The following SOX30 variants were observed in gnomAD, a reference collection of about 807,000 sequenced individuals.
SOX30 encodes the protein transcription factor SOX-30.
In SOX30, 17 loss-of-function variants were observed where a neutral mutation model predicts 58.6. The ratio of observed to expected loss-of-function variants is 0.29; its 90% CI spans 0.20 to 0.44. The LOEUF (loss-of-function observed/expected upper bound fraction) is 0.44, where lower values mean the gene tolerates loss of function less well. Ranked by LOEUF, SOX30 falls within the 20% of genes least tolerant of loss-of-function variation. The pLI is 1.00. For missense variants in SOX30, 951 were observed against 965.8 expected, an observed-to-expected ratio of 0.98 and a Z score of 0.20; for synonymous variants, 421 against 400.2, an observed-to-expected ratio of 1.05 and a Z score of -0.62.
rs186239359 is a variant in SOX30 at position 157,647,381 on chromosome 5, C to T, written c.1208-565G>A. Among the ~76,000 whole-genome samples the T allele has an allele frequency of 2.0e-5, 3 of 151,994 alleles. No individual in the cohort carries two copies. In the East Asian group the frequency reaches 5.8e-4, roughly 30 times the overall value. ...GGCCAAGGGTCAAATGTTTTATAAC[C>T]AATGACACAGAATGAACCTGTAGTA... is the stretch of plus-strand genomic sequence containing the variant. On this transcript the variant is annotated intron_variant, in intron 2 of 4. Transcript: ENST00000265007.
At chr5:157,652,753 G>A (rs551406788), upstream of SOX30, among the ~76,000 whole-genome samples, 1 of 152,298 alleles carries the variant, frequency 6.6e-6, no homozygotes, top group East Asian at 1.9e-4. Flanking sequence ...TTCATCCACT[G>A]TTTTGTGTCT....
At chr5:157,632,478 G>A (rs1387633165) in intron 4 of SOX30, among the ~76,000 whole-genome samples, 1 of 152,166 alleles carries the variant, frequency 6.6e-6, no homozygotes, top group African/African-American at 2.4e-5. Flanking sequence ...GCTGGACGTG[G>A]TGGTGGGCAC....
At position 157,651,340 on chromosome 5, in the gene SOX30, T is replaced by G. The variant is rs1333905939; in HGVS notation, c.739A>C (p.Thr247Pro). The change falls in exon 1 of 5, where the codon ACG becomes CCG. Residue 247 changes from threonine (T) to proline (P), a missense_variant. Physicochemically the swap from Thr to Pro is conservative, Grantham distance 38 (BLOSUM62 -1). Transcript: ENST00000265007. ...TGGTGCGGCCCAAAGGCACCGGACG[T>G]TGGGGCCAAGATGACCTCCGCGCTG... ...HGSAEVILAPTSGAFGPHQQD... is the reference protein window; with the variant it reads ...HGSAEVILAPPSGAFGPHQQD... 1.2e-6 allele frequency: 2 copies of G among 1,613,948 alleles called. No individual in the cohort carries two copies. Among genetic ancestry groups the G allele is most frequent in the East Asian group, 4.5e-5 (2 of 44,884 alleles).
Position 157,651,808 on chromosome 5 carries a change from C to A in SOX30, c.271G>T (p.Ala91Ser), listed in dbSNP as rs1406732683. Residue 91 changes from alanine to serine, a missense_variant, in exon 1 of 5, where the codon GCC becomes TCC. By Grantham distance (99) the Ala-to-Ser change is moderately conservative. This residue lies in a region of SOX30 where 363 missense variants were observed against 294.5 expected (regional missense o/e 1.23). Transcript: ENST00000265007. ...CGCGCCTGCGCGGACGAGGCAGCGG[C>A]TTCCTCGTTCTGGGCCTGAGGCTGT... The part of the protein sequence containing the change: ...LPQPQAQNEE[A>S]AASSAQARLL... 2 of 1,583,198 alleles carry A rather than the reference C, an allele frequency of 1.3e-6. No individual in the cohort carries two copies. Among genetic ancestry groups the A allele is most frequent in the East Asian group, 2.3e-5 (1 of 43,696 alleles).
At chr5:157,643,766 G>A (rs932180802) in intron 3 of SOX30, among the ~76,000 whole-genome samples, 89 of 152,034 alleles carry the variant, frequency 5.9e-4, no homozygotes, top group African/African-American at 2.0e-3. Flanking sequence ...CAAAATTACC[G>A]TAACTTCATA....
chr5:157,659,151 T>A (rs1402652013), intron 2 of SOX30, among the ~76,000 whole-genome samples: 1 of 152,250 alleles, frequency 6.6e-6, no homozygotes, highest in Non-Finnish European at 1.5e-5. Context: ...ACTCTGTCTA[T>A]GGAGTAGCCA....
At position 157,651,933 on chromosome 5, in the gene SOX30, G is replaced by A. The variant is rs748881474; in HGVS notation, c.146C>T (p.Ala49Val). The A allele has an allele frequency of 1.3e-6, 2 of 1,498,124 alleles. No homozygotes were observed. The highest frequency in any genetic ancestry group is 1.4e-5 in the African/African-American group (1 of 72,014). 92.8% of individuals were successfully genotyped at this position (1,498,124 alleles called of 1,614,324 possible). A position where few individuals can be genotyped will look rare whatever the true frequency, so the allele number is the denominator to read the frequency against. ...CTCCCCGCACGACGAGGCCAAGGTC[G>A]CACTGGCTGCCGCGCTCAGTGTGGG... Reference protein sequence around the residue: ...SSPTLSAAASATLASSCGEAV... With the variant: ...SSPTLSAAASVTLASSCGEAV... Residue 49 changes from alanine to valine, a missense_variant, in exon 1 of 5, where the codon GCG (alanine) becomes GTG (valine). By Grantham distance (64) the Ala-to-Val change is moderately conservative. Coordinates refer to ENST00000265007, the MANE Select transcript of SOX30 (RefSeq NM_178424.2).
intron 3 of SOX30, among the ~76,000 whole-genome samples, chr5:157,643,040 G>T (rs1028386465): frequency 6.6e-6 from 1 of 151,452 alleles, no homozygotes; most frequent in African/African-American, 2.4e-5. Context: ...ATTGACAAAA[G>T]GAATATAAAT....
Position 157,663,667 on chromosome 5 carries a change from C to T in SOX30, c.52+4131G>A, listed in dbSNP as rs554869840. On this transcript the variant is annotated intron_variant, in intron 2 of 5. Transcript: ENST00000519442. ...AGGAAAAGAGGAAGTCAAATTGTCC[C>T]TGTTTGCAGATGACATGATTGTATA... 1.9e-3 allele frequency among the ~76,000 whole-genome samples: 293 copies of T among 152,282 alleles called. 4 individuals are homozygous for T. The highest frequency in any genetic ancestry group is 6.5e-3 in the African/African-American group (270 of 41,558).
intron 3 of SOX30, among the ~76,000 whole-genome samples, chr5:157,641,309 C>T (rs1279750559): frequency 6.6e-6 from 1 of 152,044 alleles, no homozygotes; most frequent in African/African-American, 2.4e-5. Context: ...ATGCACCAGA[C>T]ATAAAAATAA....
chr5:157,633,723 A>T (rs1203478900), intron 4 of SOX30, among the ~76,000 whole-genome samples: 1 of 152,244 alleles, frequency 6.6e-6, no homozygotes, highest in Non-Finnish European at 1.5e-5. Flanking sequence ...TTTGCCTAAA[A>T]TTTTACAATT....
chr5:157,661,911 C>T (rs189568991), intron 2 of SOX30, among the ~76,000 whole-genome samples: 3 of 152,102 alleles, frequency 2.0e-5, no homozygotes, highest in Admixed American at 1.3e-4. Flanking sequence ...GAAAAGATTT[C>T]CATTGGATTG....
At chr5:157,654,635 A>C (rs990444542), upstream of SOX30, among the ~76,000 whole-genome samples, 2 of 152,234 alleles carry the variant, frequency 1.3e-5, no homozygotes, top group African/African-American at 4.8e-5. Context: ...CAGTTAAGGC[A>C]TTCTAAGTCA....
intron 2 of SOX30, among the ~76,000 whole-genome samples, chr5:157,666,522 CA>C (rs1561591727): frequency 1.2e-3 from 166 of 144,060 alleles, no homozygotes; most frequent in African/African-American, 4.3e-3. Flanking sequence ...CACACACACA[CA>C]CACACCTCAG....
chr5:157,652,151 G>C lies in SOX30; in HGVS notation c.-73C>G. 7.3e-7 allele frequency: 1 copy of C among 1,378,690 alleles called. No homozygotes were observed. The highest frequency in any genetic ancestry group is 9.3e-7 in the Non-Finnish European group (1 of 1,074,900). The allele number at this position is 1,378,690 out of a possible 1,614,324, so 85.4% of individuals were successfully genotyped here. A position where few individuals can be genotyped will look rare whatever the true frequency, so the allele number is the denominator to read the frequency against. On this transcript the variant is annotated 5_prime_UTR_variant, in exon 1 of 5. Transcript: ENST00000265007. ...GGCGACCTTCCCCCTCCCCCTTTCG[G>C]TTAAGAGCCTTGCAAGGCCTTTGCT...
At chr5:157,666,902 C>T (rs1341980284) in intron 2 of SOX30, among the ~76,000 whole-genome samples, 1 of 152,114 alleles carries the variant, frequency 6.6e-6, no homozygotes, top group African/African-American at 2.4e-5. Flanking sequence ...GACGGGGTTT[C>T]ATCATGTTGG....
At chr5:157,652,903 G>C (rs1312398018), upstream of SOX30, among the ~76,000 whole-genome samples, 3 of 152,086 alleles carry the variant, frequency 2.0e-5, no homozygotes, top group Non-Finnish European at 4.4e-5. Context: ...GCAAATCTAA[G>C]GTTGTCACAC....
intron 3 of SOX30, among the ~76,000 whole-genome samples, chr5:157,642,194 T>C (rs958196946): frequency 2.6e-5 from 4 of 151,930 alleles, no homozygotes; most frequent in African/African-American, 9.7e-5. Context: ...CGCTTGCCTG[T>C]AGTCCCAGCT....
At chr5:157,666,520 C>T (rs1028573476) in intron 2 of SOX30, among the ~76,000 whole-genome samples, 9 of 145,288 alleles carry the variant, frequency 6.2e-5, no homozygotes, top group African/African-American at 2.5e-4. Context: ...CACACACACA[C>T]ACACACACCT....
Sources: gnomAD v4.1 joint callset for allele counts (sites outside exome capture counted in the v4.1 genomes callset) on GRCh38, gnomAD v4.1.1 for gene constraint, gnomAD v4.1.1 regional missense constraint, MANE v1.5 for transcripts, NCBI Gene and HGNC (gene_info 2026-07-23, HGNC 2026-07-21) for gene names.